The following MAPK9 variants were observed in gnomAD, a reference collection of about 807,000 sequenced individuals.
MAPK9 encodes the protein Jun kinase.
Under a neutral mutation model 57.1 loss-of-function variants are expected in MAPK9, and 30 were observed. That is an observed-to-expected ratio of 0.53 (90% confidence interval 0.39 to 0.71). The LOEUF (loss-of-function observed/expected upper bound fraction) is 0.71. Among genes scored for constraint, MAPK9 ranks in the 30% least tolerant of loss-of-function variants. The pLI, the probability that MAPK9 is intolerant of heterozygous loss-of-function variation, is 0.00. For missense variants in MAPK9, 362 were observed against 521.0 expected, an observed-to-expected ratio of 0.69 and a Z score of 2.97; for synonymous variants, 155 against 177.0, an observed-to-expected ratio of 0.88 and a Z score of 0.99.
chr5:180,284,265 A>G (rs1023833860), intron 1 of MAPK9, among the ~76,000 whole-genome samples: 7 of 152,206 alleles, frequency 4.6e-5, no homozygotes, highest in Non-Finnish European at 8.8e-5. Flanking sequence ...CACTTCCCAC[A>G]CCAGCCGGTG....
rs1300156807 is a variant in MAPK9, at chr5:180,289,077, C to G, written c.-48+2771G>C. On this transcript the variant is annotated intron_variant, in intron 1 of 11. Coordinates refer to ENST00000452135, the MANE Select transcript of MAPK9 (RefSeq NM_002752.5). Reference sequence around the variant, plus strand: ...GTGTAACTACTGTATGTATGTAGACCAAAAATAGTTGCCCTATTGGCAAAT... The same window carrying G: ...GTGTAACTACTGTATGTATGTAGACGAAAAATAGTTGCCCTATTGGCAAAT... 3.3e-5 allele frequency among the ~76,000 whole-genome samples: 5 copies of G among 152,108 alleles called. No individual in the cohort carries two copies. In the East Asian group the frequency reaches 7.7e-4, roughly 23 times the overall value.
chr5:180,251,394 C>T (rs939575183), intron 5 of MAPK9, among the ~76,000 whole-genome samples: 1 of 152,194 alleles, frequency 6.6e-6, no homozygotes, highest in Non-Finnish European at 1.5e-5. Flanking sequence ...AACCCCAGTG[C>T]GCCAGAAACA....
At chr5:180,266,741 G>C (rs374021592) in intron 3 of MAPK9, among the ~76,000 whole-genome samples, 1 of 151,978 alleles carries the variant, frequency 6.6e-6, no homozygotes, top group East Asian at 1.9e-4. Flanking sequence ...AAGTGACCGT[G>C]CCCAGCTTCT....
intron 1 of MAPK9, among the ~76,000 whole-genome samples, chr5:180,286,478 T>A (rs962936665): frequency 6.6e-6 from 1 of 151,752 alleles, no homozygotes; most frequent in African/African-American, 2.4e-5. Flanking sequence ...TAGCTTGGTA[T>A]AACAACGTAA....
intron 1 of MAPK9, among the ~76,000 whole-genome samples, chr5:180,287,432 T>G (rs967588340): frequency 4.6e-5 from 7 of 152,166 alleles, no homozygotes; most frequent in African/African-American, 1.7e-4. Context: ...AAAAGAGAGA[T>G]TTGTTGAAAG....
At chr5:180,280,795 T>C (rs894384450) in intron 1 of MAPK9, among the ~76,000 whole-genome samples, 187 bp from the exon 2 acceptor site, 4 of 152,186 alleles carry the variant, frequency 2.6e-5, no homozygotes, top group East Asian at 3.9e-4. Context: ...CAGACCATTA[T>C]GAAAGGAAGG....
At chr5:180,279,068 T>C (rs1465592763) in intron 2 of MAPK9, among the ~76,000 whole-genome samples, 2 of 151,730 alleles carry the variant, frequency 1.3e-5, no homozygotes, top group East Asian at 2.0e-4. Context: ...AGCGATTCTC[T>C]TGCCTCAGCC....
At chr5:180,236,757 T>A (rs1000990012) in intron 11 of MAPK9, 3 of 397,898 alleles carry the variant, frequency 7.5e-6, no homozygotes, top group Non-Finnish European at 1.3e-5. Context: ...CTTCTTTTTT[T>A]CTCAGTAGCT....
intron 5 of MAPK9, among the ~76,000 whole-genome samples, chr5:180,253,198 T>A (rs1004810205): frequency 1.3e-5 from 2 of 152,180 alleles, no homozygotes; most frequent in African/African-American, 4.8e-5. Context: ...TGCACCGCAG[T>A]CTGGACCAGG....
At chr5:180,275,672 G>A (rs1761745057) in intron 2 of MAPK9, among the ~76,000 whole-genome samples, 1 of 152,194 alleles carries the variant, frequency 6.6e-6, no homozygotes, top group Non-Finnish European at 1.5e-5. Context: ...CTGAGCATGG[G>A]GGACAGTGGG....
intron 2 of MAPK9, among the ~76,000 whole-genome samples, chr5:180,272,756 G>A (rs1195781742): frequency 6.6e-6 from 1 of 152,136 alleles, no homozygotes; most frequent in Non-Finnish European, 1.5e-5. Flanking sequence ...AGATATTTCA[G>A]TTGTTTTTAG....
rs150431156 is a variant in MAPK9 at position 180,287,453 on chromosome 5, T to C, written c.-48+4395A>G. Among the ~76,000 whole-genome samples, 262 of 152,314 alleles carry C rather than the reference T, an allele frequency of 1.7e-3. 1 individual carries two copies. The highest frequency in any genetic ancestry group is 6.1e-3 in the African/African-American group (255 of 41,562). The stretch of plus-strand genomic sequence containing the variant: ...GAGATTTGTTGAAAGTGTGCAGTGA[T>C]CACACCATTCTCCCATTTGAACTCC... On this transcript the variant is annotated intron_variant, in intron 1 of 11. Coordinates refer to ENST00000452135, the MANE Select transcript of MAPK9 (RefSeq NM_002752.5).
chr5:180,281,554 A>G (rs897622048), intron 1 of MAPK9, among the ~76,000 whole-genome samples: 2 of 152,236 alleles, frequency 1.3e-5, no homozygotes, highest in South Asian at 2.1e-4. Context: ...ATAGGTAAAC[A>G]TTCTATACCG....
At chr5:180,265,791 A>G in intron 3 of MAPK9, among the ~76,000 whole-genome samples, 1 of 152,136 alleles carries the variant, frequency 6.6e-6, no homozygotes, top group East Asian at 1.9e-4. Flanking sequence ...TATCCATTAT[A>G]CAGGATTGGG....
intron 1 of MAPK9, 54 bp from the exon 2 acceptor site, chr5:180,280,662 TCACGTAAGAGA>T: frequency 7.0e-7 from 1 of 1,420,250 alleles, no homozygotes; most frequent in South Asian, 1.4e-5. Context: ...CATACGCAGC[TCACGTAAGAGA>T]GTTCTGAACT....
chr5:180,258,521 T>C (rs572872224), intron 5 of MAPK9, among the ~76,000 whole-genome samples: 3 of 152,278 alleles, frequency 2.0e-5, no homozygotes, highest in South Asian at 2.1e-4. Context: ...CCCCGCTCCA[T>C]GTGAAGACAT....
At chr5:180,264,760 C>T in intron 4 of MAPK9, 21 bp downstream of exon 4, 1 of 1,560,316 alleles carries the variant, frequency 6.4e-7, no homozygotes, top group South Asian at 1.2e-5. Flanking sequence ...CAGTGCATTA[C>T]TGAATAAAAA....
At chr5:180,267,493 C>T (rs560518231) in intron 3 of MAPK9, among the ~76,000 whole-genome samples, 32 of 137,386 alleles carry the variant, frequency 2.3e-4, no homozygotes, top group African/African-American at 4.9e-4. Context: ...ACCTGGGAGG[C>T]GGAGCTTGCA....
In MAPK9 at chr5:180,241,088, G is replaced by A. The variant is rs116346965; in HGVS notation, c.939C>T (p.Asp313=). 5.9e-5 allele frequency: 95 copies of A among 1,614,072 alleles called. No individual in the cohort carries two copies. The East Asian group carries it at 1.2e-3, about 20-fold the overall frequency. The change falls in exon 9 of 12, where the codon GAC becomes GAT. Residue 313 remains aspartate (D), a synonymous_variant. Coordinates refer to ENST00000452135, the MANE Select transcript of MAPK9 (RefSeq NM_002752.5). The stretch of plus-strand genomic sequence containing the variant: ...TGATGTATGGGTGACGCAGAGCTTC[G>A]TCTACAGAGATCCGCTTGTCAGGAT... The part of the protein sequence containing the change: ...VIDPDKRISV[D]EALRHPYITV...
Sources: allele counts gnomAD v4.1 joint callset (sites outside exome capture counted in the v4.1 genomes callset), GRCh38; gene constraint gnomAD v4.1.1; transcripts MANE v1.5; gene names NCBI Gene and HGNC (gene_info 2026-07-23, HGNC 2026-07-21).